The following KLHL4 variants were observed in gnomAD, a reference collection of about 807,000 sequenced individuals.
KLHL4 encodes kelch-like protein 4.
KLHL4 carries 17 observed loss-of-function variants against 45.8 expected under a neutral mutation model. The observed-to-expected ratio is 0.37, with a 90% CI of 0.25 to 0.56. KLHL4 has a LOEUF of 0.56. Among genes scored for constraint, KLHL4 ranks in the 20% least tolerant of loss-of-function variants. The probability of loss-of-function intolerance (pLI) is 0.79; values close to 1 mark genes in which losing one functional copy is unlikely to be tolerated. For missense variants in KLHL4, 544 were observed against 544.9 expected (o/e 1.00, Z 0.02); for synonymous variants, 224 against 189.9 (o/e 1.18, Z -1.47).
At chrX:87,662,333 T>A (rs945469195) in intron 9 of KLHL4, among the ~76,000 whole-genome samples, 3 of 111,972 alleles carry the variant, frequency 2.7e-5, no homozygotes, top group Non-Finnish European at 5.6e-5. Context: ...TTTATGTGAT[T>A]CATAGATGAA....
At position 87,666,917 on chromosome X, in the gene KLHL4, T is replaced by C. The variant is rs947317037; in HGVS notation, c.*383T>C. The C allele has an allele frequency of 1.8e-5, 13 of 709,187 alleles. No homozygotes were observed. Among genetic ancestry groups the C allele is most frequent in the Non-Finnish European group, 2.2e-5 (13 of 598,975 alleles). The allele number at this position is 709,187 out of a possible 1,213,427, so 58.4% of individuals were successfully genotyped here. A position where few individuals can be genotyped will look rare whatever the true frequency, so the allele number is the denominator to read the frequency against. ...AAAAGTTAAAAACATTTTCAGTTTT[T>C]TTTTAAAAAACGTACTCTTATTATC... On this transcript the variant is annotated 3_prime_UTR_variant, in exon 11 of 11. Transcript: ENST00000373119.
At chrX:87,640,719 C>A (rs1279924281) in intron 9 of KLHL4, among the ~76,000 whole-genome samples, 1 of 111,378 alleles carries the variant, frequency 9.0e-6, no homozygotes, top group East Asian at 2.8e-4. Context: ...TATGACAAAC[C>A]CACAGCCAAC....
At chrX:87,547,062 G>T (rs1182629355) in intron 1 of KLHL4, among the ~76,000 whole-genome samples, 1 of 111,888 alleles carries the variant, frequency 8.9e-6, no homozygotes, top group Admixed American at 9.5e-5. Context: ...ACGCTGGAAA[G>T]AGTTAAGAAT....
chrX:87,650,427 G>C (rs968259541), intron 9 of KLHL4, among the ~76,000 whole-genome samples: 9 of 112,025 alleles, frequency 8.0e-5, no homozygotes, highest in African/African-American at 2.9e-4. Context: ...CAATATTAAG[G>C]CTTCCGCTCC....
intron 8 of KLHL4, among the ~76,000 whole-genome samples, chrX:87,634,476 A>G (rs1386915840): frequency 2.7e-5 from 3 of 111,668 alleles, no homozygotes; most frequent in Non-Finnish European, 5.6e-5. Context: ...TTGAATTGTT[A>G]CCAGGTATTA....
rs1330147460 is a variant in KLHL4 at position 87,598,775 on chromosome X, TA to T, written c.423-15095del. Among the ~76,000 whole-genome samples the T allele has an allele frequency of 5.4e-5, 6 of 111,284 alleles. No homozygotes were observed. In the Admixed American group the frequency reaches 5.8e-4, roughly 11 times the overall value. On this transcript the variant is annotated intron_variant, in intron 1 of 10. Coordinates refer to ENST00000373119, the MANE Select transcript of KLHL4 (RefSeq NM_019117.5). ...TAAATTTTCCCTGTTATAAGGATGTTAAAAAAATCTATGACCCTAACATAAC... is the reference window on the plus strand; with the variant it reads ...TAAATTTTCCCTGTTATAAGGATGTTAAAAAATCTATGACCCTAACATAAC...
intron 1 of KLHL4, among the ~76,000 whole-genome samples, chrX:87,567,658 C>A (rs769871544): frequency 8.9e-6 from 1 of 112,042 alleles, no homozygotes; most frequent in African/African-American, 3.2e-5. Context: ...TTTGCAGCAA[C>A]ATAGATGCAG....
At chrX:87,559,245 G>A (rs768500639) in intron 1 of KLHL4, among the ~76,000 whole-genome samples, 85 of 111,706 alleles carry the variant, frequency 7.6e-4, no homozygotes, top group African/African-American at 2.2e-3. Flanking sequence ...TCCATTATTA[G>A]CTCACAAACC....
At chrX:87,522,883 C>T (rs1368425287) in intron 1 of KLHL4, among the ~76,000 whole-genome samples, 1 of 111,717 alleles carries the variant, frequency 9.0e-6, no homozygotes, top group African/African-American at 3.2e-5. Flanking sequence ...GTCTTCATGT[C>T]TCATTCTTGA....
At chrX:87,648,204 A>C (rs1415418006) in intron 9 of KLHL4, among the ~76,000 whole-genome samples, 5 of 111,366 alleles carry the variant, frequency 4.5e-5, no homozygotes, top group African/African-American at 9.8e-5. Context: ...GAAATAGTTA[A>C]ATAATATTAA....
intron 1 of KLHL4, among the ~76,000 whole-genome samples, chrX:87,522,049 G>A: frequency 8.9e-6 from 1 of 112,687 alleles, no homozygotes; most frequent in Non-Finnish European, 1.9e-5. Flanking sequence ...AGGGTCAAAT[G>A]TATTGTAGGT....
chrX:87,664,418 GA>G (rs1924296539), intron 9 of KLHL4, among the ~76,000 whole-genome samples: 1 of 111,637 alleles, frequency 9.0e-6, no homozygotes, highest in East Asian at 2.8e-4. Flanking sequence ...AATAATAAAA[GA>G]AAAACAAAAG....
rs1924442878 is a variant in KLHL4, at chrX:87,668,354, A to G, written c.*1820A>G. 3 of 752,476 alleles carry G rather than the reference A, an allele frequency of 4.0e-6. No individual in the cohort carries two copies. Among genetic ancestry groups the G allele is most frequent in the African/African-American group, 2.3e-5 (1 of 43,330 alleles). The allele number at this position is 752,476 out of a possible 1,213,427, so 62.0% of individuals were successfully genotyped here. On this transcript the variant is annotated 3_prime_UTR_variant, in exon 11 of 11. Coordinates refer to ENST00000373119, the MANE Select transcript of KLHL4 (RefSeq NM_019117.5). Reference sequence around the variant, plus strand: ...TGCTACCAATAGGCAGACTGTGTCTAGAGTCATGCATGGACAAGAGGAAAG... The same window carrying G: ...TGCTACCAATAGGCAGACTGTGTCTGGAGTCATGCATGGACAAGAGGAAAG...
chrX:87,649,322 C>G (rs1380340481), intron 9 of KLHL4, among the ~76,000 whole-genome samples: 1 of 111,621 alleles, frequency 9.0e-6, no homozygotes, highest in African/African-American at 3.2e-5. Context: ...ATTAGCATAA[C>G]TCTTCAAGGT....
chrX:87,526,761 A>G (rs1009291373), intron 1 of KLHL4, among the ~76,000 whole-genome samples: 22 of 112,132 alleles, frequency 2.0e-4, no homozygotes, highest in Non-Finnish European at 3.4e-4. Flanking sequence ...AAAGACATAT[A>G]TTGGAGAAGA....
rs1470217590 is a variant in KLHL4, at chrX:87,555,939, A to G, written c.422+37624A>G. On this transcript the variant is annotated intron_variant, in intron 1 of 10. Coordinates refer to ENST00000373119, the MANE Select transcript of KLHL4 (RefSeq NM_019117.5). ...TTGTGTCTTTGTTCTCGTTGGTTTC[A>G]AAGAACATCTTTATTTCTGCCTTCA... is the stretch of plus-strand genomic sequence containing the variant. Among the ~76,000 whole-genome samples, 4 of 110,204 alleles carry G rather than the reference A, an allele frequency of 3.6e-5. 1 individual carries two copies. The Admixed American group carries it at 3.9e-4, about 11-fold the overall frequency.
chrX:87,641,251 A>C (rs774252672), intron 9 of KLHL4, among the ~76,000 whole-genome samples: 1 of 112,052 alleles, frequency 8.9e-6, no homozygotes, highest in Admixed American at 9.4e-5. Flanking sequence ...TGAAAGGGAG[A>C]GCCTCCTCTC....
At chrX:87,618,334 A>T (rs1922634602) in intron 4 of KLHL4, among the ~76,000 whole-genome samples, 1 of 111,917 alleles carries the variant, frequency 8.9e-6, no homozygotes, top group African/African-American at 3.2e-5. Context: ...AACTTAAGGA[A>T]ATAAAAATAC....
intron 1 of KLHL4, among the ~76,000 whole-genome samples, chrX:87,611,680 A>ATACTATACTC (rs1922378186): frequency 9.1e-6 from 1 of 110,075 alleles, no homozygotes; most frequent in African/African-American, 3.3e-5. Context: ...ATACTATACT[A>ATACTATACTC]TACTATACTA....
Sources: gnomAD v4.1 joint callset for allele counts (sites outside exome capture counted in the v4.1 genomes callset) on GRCh38, gnomAD v4.1.1 for gene constraint, MANE v1.5 for transcripts, NCBI Gene and HGNC (gene_info 2026-07-23, HGNC 2026-07-21) for gene names.